The following PAM variants were observed in gnomAD, a reference collection of about 807,000 sequenced individuals.
The protein encoded by PAM is peptidyl-glycine alpha-amidating monooxygenase.
A neutral mutation model predicts 122.1 loss-of-function variants in PAM; 72 were observed. The ratio of observed to expected loss-of-function variants is 0.59; its 90% CI spans 0.49 to 0.72. PAM has a LOEUF of 0.72. Among genes scored for constraint, PAM ranks in the 30% least tolerant of loss-of-function variants. The probability of loss-of-function intolerance (pLI) is 0.00; values close to 1 mark genes in which losing one functional copy is unlikely to be tolerated. For synonymous variants in PAM, 389 were observed against 404.4 expected, an observed-to-expected ratio of 0.96 and a Z score of 0.46; for missense variants, 1,106 against 1,183.7, an observed-to-expected ratio of 0.93 and a Z score of 0.96.
intron 15 of PAM, among the ~76,000 whole-genome samples, chr5:102,981,015 CA>C (rs1372084044): frequency 1.3e-5 from 2 of 152,116 alleles, no homozygotes; most frequent in Non-Finnish European, 2.9e-5. Flanking sequence ...TAGATATTTA[CA>C]TTAATTTTCC....
intron 5 of PAM, among the ~76,000 whole-genome samples, chr5:102,916,899 AT>A (rs1803296305): frequency 6.6e-6 from 1 of 151,278 alleles, no homozygotes; most frequent in Non-Finnish European, 1.5e-5. Flanking sequence ...TGCCCAACTA[AT>A]TTTTGTATTT....
chr5:102,794,491 T>C (rs2150027339), intron 1 of PAM, among the ~76,000 whole-genome samples: 1 of 152,348 alleles, frequency 6.6e-6, no homozygotes, highest in South Asian at 2.1e-4. Flanking sequence ...TATTATTGAA[T>C]TAGCAGATTC....
At chr5:102,953,879 G>T (rs956544955) in intron 12 of PAM, among the ~76,000 whole-genome samples, 1 of 152,082 alleles carries the variant, frequency 6.6e-6, no homozygotes, top group Admixed American at 6.5e-5. Context: ...CGGGCATGAT[G>T]GCGGATGCCC....
intron 7 of PAM, among the ~76,000 whole-genome samples, chr5:102,939,415 G>A (rs967519583): frequency 1.2e-4 from 18 of 152,012 alleles, no homozygotes; most frequent in African/African-American, 4.3e-4. Context: ...ATTTAACTGT[G>A]ATGTACCCCT....
chr5:102,798,925 A>G (rs1348185018), intron 1 of PAM, among the ~76,000 whole-genome samples: 3 of 152,208 alleles, frequency 2.0e-5, no homozygotes, highest in Non-Finnish European at 2.9e-5. Flanking sequence ...TTTAAAATTA[A>G]AAATCCTATT....
At chr5:102,983,542 GA>G (rs1770666401) in intron 15 of PAM, among the ~76,000 whole-genome samples, 1 of 151,750 alleles carries the variant, frequency 6.6e-6, no homozygotes, top group African/African-American at 2.4e-5. Context: ...ACTGTAAACT[GA>G]CCAAATATCC....
intron 1 of PAM, among the ~76,000 whole-genome samples, chr5:102,798,243 G>A (rs1344653139): frequency 1.3e-5 from 2 of 152,190 alleles, no homozygotes; most frequent in East Asian, 3.9e-4. Context: ...CTCGTGGTAT[G>A]GGTGATGGGA....
chr5:103,018,687 C>T (rs1782704519), intron 22 of PAM, among the ~76,000 whole-genome samples: 1 of 152,144 alleles, frequency 6.6e-6, no homozygotes, highest in African/African-American at 2.4e-5. Flanking sequence ...TGCAAAAATA[C>T]TTTGAAAGAT....
chr5:102,894,593 T>G (rs1795668060), intron 3 of PAM, among the ~76,000 whole-genome samples: 1 of 151,696 alleles, frequency 6.6e-6, no homozygotes, highest in Non-Finnish European at 1.5e-5. Context: ...ATTTACATCT[T>G]TAGGCCAAGC....
chr5:102,766,926 ATTTTTTTTTTTTTT>A, intron 1 of PAM, among the ~76,000 whole-genome samples: 6 of 25,830 alleles, frequency 2.3e-4, no homozygotes, highest in African/African-American at 5.4e-4. Context: ...TCAGTTGTGG[ATTTTTTTTTTTTTT>A]TTTTTTTTTT....
At chr5:102,810,812 G>A (rs946926438) in intron 1 of PAM, among the ~76,000 whole-genome samples, 6 of 151,924 alleles carry the variant, frequency 3.9e-5, no homozygotes, top group African/African-American at 9.7e-5. Context: ...TGGGCAACAA[G>A]AGCGAAACTC....
intron 21 of PAM, among the ~76,000 whole-genome samples, chr5:103,010,745 A>G (rs1396926145): frequency 6.6e-6 from 1 of 152,192 alleles, no homozygotes; most frequent in Non-Finnish European, 1.5e-5. Context: ...AAACTTTAAA[A>G]TGCCTCAATA....
chr5:102,948,283 T>C, intron 8 of PAM, 95 bp from the exon 9 acceptor site: 1 of 635,074 alleles, frequency 1.6e-6, no homozygotes, highest in Non-Finnish European at 2.8e-6. Context: ...AGCATCACAT[T>C]TTATAAACCA....
At chr5:102,922,166 C>T (rs1747659440) in intron 5 of PAM, among the ~76,000 whole-genome samples, 1 of 151,272 alleles carries the variant, frequency 6.6e-6, no homozygotes, top group African/African-American at 2.4e-5. Flanking sequence ...TTGTTTCATG[C>T]CGGGACTTCA....
chr5:102,777,219 A>G (rs1757401163), intron 1 of PAM, among the ~76,000 whole-genome samples: 1 of 152,082 alleles, frequency 6.6e-6, no homozygotes, highest in Non-Finnish European at 1.5e-5. Flanking sequence ...GAGAAAGGGG[A>G]GTTTTTTTAG....
intron 3 of PAM, among the ~76,000 whole-genome samples, chr5:102,881,361 A>G (rs1162101117): frequency 3.3e-5 from 5 of 152,062 alleles, no homozygotes; most frequent in Admixed American, 2.6e-4. Flanking sequence ...AAATTAAGGG[A>G]AAAAAGTTAC....
intron 1 of PAM, among the ~76,000 whole-genome samples, chr5:102,778,337 T>G (rs891473476): frequency 6.6e-5 from 10 of 152,190 alleles, no homozygotes; most frequent in Non-Finnish European, 1.5e-4. Flanking sequence ...TGTCTTTACT[T>G]TAAAATTGCC....
intron 7 of PAM, among the ~76,000 whole-genome samples, chr5:102,937,325 T>C (rs573217213): frequency 2.0e-5 from 3 of 152,174 alleles, no homozygotes; most frequent in Non-Finnish European, 4.4e-5. Context: ...GGAATATATG[T>C]GTTGACAGAC....
intron 1 of PAM, among the ~76,000 whole-genome samples, chr5:102,850,061 G>A (rs898820932): frequency 6.6e-6 from 1 of 152,070 alleles, no homozygotes; most frequent in Non-Finnish European, 1.5e-5. Context: ...ACTTTACTAT[G>A]AGATCCTGAA....
Sources: allele counts gnomAD v4.1 joint callset (sites outside exome capture counted in the v4.1 genomes callset), GRCh38; gene constraint gnomAD v4.1.1; transcripts MANE v1.5; gene names NCBI Gene and HGNC (gene_info 2026-07-23, HGNC 2026-07-21).